The following DAAM1 variants were observed in gnomAD, a reference collection of about 807,000 sequenced individuals.
DAAM1 encodes disheveled-associated activator of morphogenesis 1.
Under a neutral mutation model 130.0 loss-of-function variants are expected in DAAM1, and 52 were observed. The observed-to-expected ratio is 0.40, with a 90% CI of 0.32 to 0.50. The LOEUF (loss-of-function observed/expected upper bound fraction) is 0.50. DAAM1 is among the 20% of genes least tolerant of loss of function. The pLI, the probability that DAAM1 is intolerant of heterozygous loss-of-function variation, is 0.61. For synonymous variants in DAAM1, 452 were observed against 444.5 expected (o/e 1.02, Z -0.21); for missense variants, 1,134 against 1,303.8 (o/e 0.87, Z 2.01).
intron 1 of DAAM1, among the ~76,000 whole-genome samples, chr14:59,200,659 A>G (rs1888069939): frequency 6.6e-6 from 1 of 152,224 alleles, no homozygotes; most frequent in African/African-American, 2.4e-5. Context: ...GGAAGCATAT[A>G]TTTTCATATA....
intron 1 of DAAM1, among the ~76,000 whole-genome samples, chr14:59,218,471 A>G (rs1474406189): frequency 1.3e-5 from 2 of 152,126 alleles, no homozygotes; most frequent in Admixed American, 6.5e-5. Flanking sequence ...CTGTGATTTC[A>G]TTTGTTTCTA....
intron 3 of DAAM1, among the ~76,000 whole-genome samples, chr14:59,305,506 T>C (rs968051058): frequency 6.6e-6 from 1 of 152,208 alleles, no homozygotes; most frequent in African/African-American, 2.4e-5. Flanking sequence ...AGTAAGTGTC[T>C]CATAGTTTGG....
chr14:59,331,065 A>G (rs531802049), intron 13 of DAAM1, 144 bp from the exon 14 acceptor site: 2 of 1,401,084 alleles, frequency 1.4e-6, no homozygotes, highest in East Asian at 2.5e-5. Flanking sequence ...AAAAGAGTCC[A>G]TTCGACTTTA....
intron 1 of DAAM1, among the ~76,000 whole-genome samples, chr14:59,252,045 C>T (rs1172084540): frequency 6.6e-6 from 1 of 152,172 alleles, no homozygotes; most frequent in Non-Finnish European, 1.5e-5. Flanking sequence ...GCTTGCCACA[C>T]TGTAATTTTC....
At chr14:59,356,349 AG>A (rs1201410486) in intron 20 of DAAM1, among the ~76,000 whole-genome samples, 2 of 152,244 alleles carry the variant, frequency 1.3e-5, no homozygotes, top group African/African-American at 2.4e-5. Context: ...GTGTAGAGAT[AG>A]ATTAATGAAG....
intron 2 of DAAM1, among the ~76,000 whole-genome samples, chr14:59,287,105 T>C (rs1447174393): frequency 6.6e-6 from 1 of 152,236 alleles, no homozygotes; most frequent in Non-Finnish European, 1.5e-5. Context: ...GTAGGCTTTA[T>C]TCCTGATATG....
intron 2 of DAAM1, among the ~76,000 whole-genome samples, chr14:59,271,453 A>C (rs1412589881): frequency 2.0e-5 from 3 of 152,202 alleles, no homozygotes; most frequent in Non-Finnish European, 4.4e-5. Context: ...TCAGCATAGA[A>C]TTTGAGAAAT....
chr14:59,236,530 G>A (rs892440645), intron 1 of DAAM1, among the ~76,000 whole-genome samples: 2 of 151,936 alleles, frequency 1.3e-5, no homozygotes, highest in African/African-American at 2.4e-5. Flanking sequence ...TCTTGTCGTC[G>A]TTTAAATATT....
rs1887085486 is a variant in DAAM1, at chr14:59,369,788, G to A, written c.*929G>A. On this transcript the variant is annotated 3_prime_UTR_variant, in exon 25 of 25. Transcript: ENST00000360909. Reference sequence around the variant, plus strand: ...AAAAAAAAAAAAAAATTAATGGGGTGCCTTTTTGTTATAGTTTCTATTTTC... The same window carrying A: ...AAAAAAAAAAAAAAATTAATGGGGTACCTTTTTGTTATAGTTTCTATTTTC... 1 of 149,112 alleles carries A rather than the reference G, an allele frequency of 6.7e-6. No individual in the cohort carries two copies. The highest frequency in any genetic ancestry group is 2.5e-5 in the African/African-American group (1 of 40,650). The allele number at this position is 149,112 out of a possible 1,614,324, so 9.2% of individuals were successfully genotyped here.
chr14:59,291,554 A>G, intron 3 of DAAM1: 1 of 430,854 alleles, frequency 2.3e-6, no homozygotes, highest in East Asian at 4.8e-5. Context: ...ACCCAAAATA[A>G]CGTTTGCTTA....
intron 24 of DAAM1, among the ~76,000 whole-genome samples, chr14:59,368,082 A>AAATAATAGTGGTGTGAT (rs1469729890): frequency 1.1e-4 from 16 of 152,196 alleles, no homozygotes; most frequent in African/African-American, 3.9e-4. Flanking sequence ...TACATATAGA[A>AAATAATAGTGGTGTGAT]AATAATAGTG....
At position 59,369,197 on chromosome 14, in the gene DAAM1, A is replaced by G. The variant is rs577572787; in HGVS notation, c.*338A>G. The G allele has an allele frequency of 1.3e-3, 234 of 174,668 alleles. 1 individual carries two copies. Among genetic ancestry groups the G allele is most frequent in the African/African-American group, 5.3e-3 (224 of 42,454 alleles). The allele number at this position is 174,668 out of a possible 1,614,324, so 10.8% of individuals were successfully genotyped here. On this transcript the variant is annotated 3_prime_UTR_variant, in exon 25 of 25. Coordinates refer to ENST00000360909, the MANE Select transcript of DAAM1 (RefSeq NM_001270520.2). ...AGCACAATACTATCTCCTGAAAGAGATAAGAGACATTCCCTAGATTCAAAG... is the reference window on the plus strand; with the variant it reads ...AGCACAATACTATCTCCTGAAAGAGGTAAGAGACATTCCCTAGATTCAAAG...
intron 2 of DAAM1, among the ~76,000 whole-genome samples, chr14:59,282,677 C>G (rs1365390232): frequency 6.6e-6 from 1 of 152,134 alleles, no homozygotes; most frequent in Non-Finnish European, 1.5e-5. Flanking sequence ...TGTTTACCAG[C>G]TTTGTTGCCT....
At chr14:59,353,159 T>C (rs1004600467) in intron 18 of DAAM1, among the ~76,000 whole-genome samples, 8 of 152,144 alleles carry the variant, frequency 5.3e-5, no homozygotes, top group African/African-American at 1.9e-4. Flanking sequence ...CTCTGAACCC[T>C]TCTCCAGAAA....
chr14:59,320,911 A>G (rs1241538246), intron 5 of DAAM1, among the ~76,000 whole-genome samples: 1 of 152,202 alleles, frequency 6.6e-6, no homozygotes, highest in African/African-American at 2.4e-5. Flanking sequence ...ACAGTTTCTC[A>G]GAATGTTAAA....
At chr14:59,255,911 A>C (rs1056341920) in intron 1 of DAAM1, among the ~76,000 whole-genome samples, 15 of 152,166 alleles carry the variant, frequency 9.9e-5, no homozygotes, top group African/African-American at 3.6e-4. Context: ...AGTGGATGTA[A>C]AAACTCTCAC....
intron 2 of DAAM1, among the ~76,000 whole-genome samples, chr14:59,286,416 A>G (rs1883455199): frequency 6.6e-6 from 1 of 152,182 alleles, no homozygotes; most frequent in Non-Finnish European, 1.5e-5. Flanking sequence ...GAGAAAAGAA[A>G]TAACCAAAAT....
At position 59,331,938 on chromosome 14, in the gene DAAM1, C is replaced by T; in HGVS notation, c.1968+18C>T. 1.9e-6 allele frequency: 3 copies of T among 1,598,076 alleles called. No homozygotes were observed. The highest frequency in any genetic ancestry group is 1.1e-5 in the South Asian group (1 of 90,076). ...GACAGCAGGTAACAGCATATGCCCT[C>T]CAGACACCAAAAAGGTAGAAAAATC... On this transcript the variant is annotated intron_variant, in intron 15 of 24. Coordinates refer to ENST00000360909, the MANE Select transcript of DAAM1 (RefSeq NM_001270520.2).
intron 1 of DAAM1, among the ~76,000 whole-genome samples, chr14:59,217,016 G>A (rs1390952013): frequency 6.6e-6 from 1 of 151,966 alleles, no homozygotes; most frequent in Non-Finnish European, 1.5e-5. Flanking sequence ...GCAGTTTTTA[G>A]TTTTTTAAAA....
Sources: gnomAD v4.1 joint callset for allele counts (sites outside exome capture counted in the v4.1 genomes callset) on GRCh38, gnomAD v4.1.1 for gene constraint, MANE v1.5 for transcripts, NCBI Gene and HGNC (gene_info 2026-07-23, HGNC 2026-07-21) for gene names.